Variants in PRDM13 observed in about 807,000 individuals in gnomAD.
The protein encoded by PRDM13 is PR/SET domain 13, also known as PR domain zinc finger protein 13.
In PRDM13, 15 loss-of-function variants were observed where a neutral mutation model predicts 36.4. The observed-to-expected ratio is 0.41, with a 90% confidence interval of 0.28 to 0.64. PRDM13 has a LOEUF of 0.64. Among genes scored for constraint, PRDM13 ranks in the 30% least tolerant of loss-of-function variants. The pLI, the probability that PRDM13 is intolerant of heterozygous loss-of-function variation, is 0.29. For synonymous variants in PRDM13, 531 were observed against 467.7 expected, an observed-to-expected ratio of 1.14 and a Z score of -1.75; for missense variants, 1,044 against 1,013.5, an observed-to-expected ratio of 1.03 and a Z score of -0.41.
At position 99,613,497 on chromosome 6, in the gene PRDM13, T is replaced by C; in HGVS notation, c.862T>C (p.Tyr288His). 1.3e-6 allele frequency: 2 copies of C among 1,522,378 alleles called. No individual in the cohort carries two copies. The highest frequency in any genetic ancestry group is 2.5e-5 in the East Asian group (1 of 39,928). 94.3% of individuals were successfully genotyped at this position (1,522,378 alleles called of 1,614,324 possible). A position where few individuals can be genotyped will look rare whatever the true frequency, so the allele number is the denominator to read the frequency against. Residue 288 changes from tyrosine to histidine, a missense_variant, in exon 4 of 4, where the codon TAC becomes CAC. By Grantham distance (83) the Tyr-to-His change is moderately conservative. Transcript: ENST00000369215. This position sits in a 1 kb window ranked among gnomAD's most constrained non-coding sequence, Gnocchi z 6.1. ...SSAGVGSLAF[Y>H]PGVRSAFKPA... ...GGCGGGGGTCGGCAGCCTGGCTTTC[T>C]ACCCCGGCGTGCGCTCAGCTTTCAA...
chr6:99,613,436 A>G lies in PRDM13; in HGVS notation c.801A>G (p.Gly267=). The G allele has an allele frequency of 6.5e-7, 1 of 1,548,688 alleles. No individual in the cohort carries two copies. Among genetic ancestry groups the G allele is most frequent in the Non-Finnish European group, 8.7e-7 (1 of 1,155,508 alleles). ...TGGACATGAGCGGAGCCGCCCGAGG[A>G]CAAGGGCACTTCCTCGGCATCGTGG... ...RALDMSGAAR[G]QGHFLGIVGG... is the part of the protein sequence containing the mutation. The change falls in exon 4 of 4, where the codon GGA becomes GGG. Residue 267 remains glycine, a synonymous_variant. Coordinates refer to ENST00000369215, the MANE Select transcript of PRDM13 (RefSeq NM_021620.4). This position sits in a 1 kb window ranked among gnomAD's most constrained non-coding sequence, Gnocchi z 6.1.
chr6:99,615,182 TTG>T lies in PRDM13; in HGVS notation c.*431_*432del. 5.0e-6 allele frequency: 1 copy of T among 199,488 alleles called. No homozygotes were observed. Among genetic ancestry groups the T allele is most frequent in the Non-Finnish European group, 1.0e-5 (1 of 98,302 alleles). The allele number at this position is 199,488 out of a possible 1,614,324, so 12.4% of individuals were successfully genotyped here. ...AAATTGTGCCTTTTGAAACGACGTTTTGTGTGTGTATTTCACGTTAGCATTTC... is the reference window on the plus strand; with the variant it reads ...AAATTGTGCCTTTTGAAACGACGTTTTGTGTGTATTTCACGTTAGCATTTC... On this transcript the variant is annotated 3_prime_UTR_variant, in exon 4 of 4. Transcript: ENST00000369215.
Position 99,613,452 on chromosome 6 carries a change from G to T in PRDM13, c.817G>T (p.Gly273Cys), listed in dbSNP as rs1770066875. ...GAARGQGHFL[G>C]IVGGSSAGVG... ...CGCCCGAGGACAAGGGCACTTCCTCGGCATCGTGGGCGGCTCCTCGGCGGG... is the reference window on the plus strand; with the variant it reads ...CGCCCGAGGACAAGGGCACTTCCTCTGCATCGTGGGCGGCTCCTCGGCGGG... The change falls in exon 4 of 4, where the codon GGC becomes TGC. Residue 273 changes from glycine (G) to cysteine (C), a missense_variant. Gly to Cys is a radical substitution (Grantham distance 159, BLOSUM62 -3). Coordinates refer to ENST00000369215, the MANE Select transcript of PRDM13 (RefSeq NM_021620.4). This position sits in a 1 kb window ranked among gnomAD's most constrained non-coding sequence, Gnocchi z 6.1. 2 of 1,538,412 alleles carry T rather than the reference G, an allele frequency of 1.3e-6. No individual in the cohort carries two copies. Among genetic ancestry groups the T allele is most frequent in the Non-Finnish European group, 1.7e-6 (2 of 1,151,114 alleles).
Position 99,613,268 on chromosome 6 carries a change from C to G in PRDM13, c.633C>G (p.His211Gln). ...CCCAGGCAGGAACTTTGCGACCCCA[C>G]CCCCTGGGCCCGCCACCAGTTCAGG... is the stretch of plus-strand genomic sequence containing the variant. ...APSQAGTLRP[H>Q]PLGPPPVQAC... The change falls in exon 4 of 4, where the codon CAC (histidine) becomes CAG (glutamine). Residue 211 changes from histidine to glutamine, a missense_variant. This residue lies in a region of PRDM13 where 921 missense variants were observed against 865.2 expected (regional missense o/e 1.06). Coordinates refer to ENST00000369215, the MANE Select transcript of PRDM13 (RefSeq NM_021620.4). This position sits in a 1 kb window ranked among gnomAD's most constrained non-coding sequence, Gnocchi z 6.1. 1 of 1,597,596 alleles carries G rather than the reference C, an allele frequency of 6.3e-7. No homozygotes were observed. Among genetic ancestry groups the G allele is most frequent in the Non-Finnish European group, 8.5e-7 (1 of 1,173,586 alleles).
At position 99,607,023 on chromosome 6, in the gene PRDM13, G is replaced by A. The variant is rs566290640; in HGVS notation, c.-12G>A. ...GGAGCACCCGAGCGCCTGCCTGGTG[G>A]CGGCGGCAACAATGCACGGAGCCGC... On this transcript the variant is annotated 5_prime_UTR_variant, in exon 1 of 4. An upstream open reading frame in the 5' UTR gains an earlier in-frame stop. Coordinates refer to ENST00000369215, the MANE Select transcript of PRDM13 (RefSeq NM_021620.4). The A allele has an allele frequency of 1.5e-5, 24 of 1,603,636 alleles. No homozygotes were observed. The highest frequency in any genetic ancestry group is 5.4e-5 in the African/African-American group (4 of 74,748).
Position 99,613,895 on chromosome 6 carries a change from T to C in PRDM13, c.1260T>C (p.Tyr420=), listed in dbSNP as rs924328379. Residue 420 remains tyrosine, a synonymous_variant, in exon 4 of 4, where the codon TAT becomes TAC. Coordinates refer to ENST00000369215, the MANE Select transcript of PRDM13 (RefSeq NM_021620.4). The surrounding 1 kb of genome is among the most constrained non-coding windows in gnomAD (Gnocchi z 6.1). ...CCGCCGCGCTGCCAGGAGCGCGTTA[T>C]GCGCAGCTGCCCCCTGCGCCGGGGT... ...PAAAALPGAR[Y]AQLPPAPGLP... is the part of the protein sequence containing the mutation. 6 of 1,567,180 alleles carry C rather than the reference T, an allele frequency of 3.8e-6. No individual in the cohort carries two copies. The highest frequency in any genetic ancestry group is 4.3e-6 in the Non-Finnish European group (5 of 1,164,016).
chr6:99,611,542 A>T (rs950533238), intron 3 of PRDM13, among the ~76,000 whole-genome samples: 6 of 151,782 alleles, frequency 4.0e-5, no homozygotes, highest in Admixed American at 2.0e-4. Context: ...ATAGGCAAAT[A>T]CTCTTCTCCC....
chr6:99,613,691 C>G lies in PRDM13; in HGVS notation c.1056C>G (p.His352Gln). 1 of 1,460,526 alleles carries G rather than the reference C, an allele frequency of 6.8e-7. No homozygotes were observed. Among genetic ancestry groups the G allele is most frequent in the Non-Finnish European group, 8.9e-7 (1 of 1,117,610 alleles). 90.5% of individuals were successfully genotyped at this position (1,460,526 alleles called of 1,614,324 possible). ...GENSAAGGAG[H>Q]HHHHHAHHHH... ...ACTCGGCGGCGGGCGGCGCGGGTCA[C>G]CACCATCACCACCACGCGCACCACC... is the stretch of plus-strand genomic sequence containing the variant. Residue 352 changes from histidine to glutamine, a missense_variant, in exon 4 of 4, where the codon CAC becomes CAG. Coordinates refer to ENST00000369215, the MANE Select transcript of PRDM13 (RefSeq NM_021620.4). The surrounding 1 kb of genome is among the most constrained non-coding windows in gnomAD (Gnocchi z 6.1).
intron 3 of PRDM13, among the ~76,000 whole-genome samples, chr6:99,611,230 A>G (rs772732827): frequency 7.2e-5 from 11 of 152,202 alleles, no homozygotes; most frequent in Non-Finnish European, 1.2e-4. Flanking sequence ...TTTCAATTTC[A>G]TAGTAAGATG....
chr6:99,613,544 G>A lies in PRDM13; in HGVS notation c.909G>A (p.Ala303=). 6.7e-7 allele frequency: 1 copy of A among 1,497,076 alleles called. No individual in the cohort carries two copies. Among genetic ancestry groups the A allele is most frequent in the Non-Finnish European group, 8.8e-7 (1 of 1,134,030 alleles). The allele number at this position is 1,497,076 out of a possible 1,614,324, so 92.7% of individuals were successfully genotyped here. A position where few individuals can be genotyped will look rare whatever the true frequency, so the allele number is the denominator to read the frequency against. ...TCAAGCCCGCCGGCCTAGCGAGGGCGGCGGCGGCCGCTCACGGCGACCCCT... is the reference window on the plus strand; with the variant it reads ...TCAAGCCCGCCGGCCTAGCGAGGGCAGCGGCGGCCGCTCACGGCGACCCCT... ...SAFKPAGLAR[A]AAAAHGDPYR... is the part of the protein sequence containing the mutation. Residue 303 remains alanine, a synonymous_variant, in exon 4 of 4, where the codon GCG becomes GCA. Transcript: ENST00000369215. The surrounding 1 kb of genome is among the most constrained non-coding windows in gnomAD (Gnocchi z 6.1).
At chr6:99,611,627 G>T (rs556683825) in intron 3 of PRDM13, among the ~76,000 whole-genome samples, 30 of 152,276 alleles carry the variant, frequency 2.0e-4, no homozygotes, top group Admixed American at 1.2e-3. Flanking sequence ...GTCTTATGGG[G>T]TAGGGGTGGG....
At chr6:99,612,581 C>T (rs1419661649) in intron 3 of PRDM13, among the ~76,000 whole-genome samples, 2 of 152,186 alleles carry the variant, frequency 1.3e-5, no homozygotes, top group Non-Finnish European at 2.9e-5. Context: ...ATGAGGCGCT[C>T]ACGACCATTA....
At chr6:99,609,331 G>A (rs1196472798) in intron 3 of PRDM13, 24 bp downstream of exon 3, 1 of 1,612,944 alleles carries the variant, frequency 6.2e-7, no homozygotes, top group Non-Finnish European at 8.5e-7. Context: ...AAGCGTGGAT[G>A]GGCAAAAGTC....
chr6:99,607,628 A>AT (rs1187835935), intron 1 of PRDM13, among the ~76,000 whole-genome samples: 65 of 151,450 alleles, frequency 4.3e-4, no homozygotes, highest in Non-Finnish European at 6.0e-4. Flanking sequence ...CCTTAAAGTA[A>AT]TTTTTTTTCC....
At position 99,613,786 on chromosome 6, in the gene PRDM13, G is replaced by C. The variant is rs1770078302; in HGVS notation, c.1151G>C (p.Gly384Ala). The stretch of plus-strand genomic sequence containing the variant: ...CCGCCGCCTGGCCTGCCCTGCTCTG[G>C]GGCCCTGCGCGGCTTCCCTCTGCTC... The part of the protein sequence containing the change: ...PPPPPGLPCS[G>A]ALRGFPLLSV... The change falls in exon 4 of 4, where the codon GGG (glycine) becomes GCG (alanine). Residue 384 changes from glycine (G) to alanine (A), a missense_variant. Around this residue, in one of 3 missense-constraint regions of PRDM13, gnomAD observed 921 missense variants for 865.2 expected, o/e 1.06. Transcript: ENST00000369215. The surrounding 1 kb of genome is among the most constrained non-coding windows in gnomAD (Gnocchi z 6.1). 3 of 1,507,066 alleles carry C rather than the reference G, an allele frequency of 2.0e-6. No individual in the cohort carries two copies. The highest frequency in any genetic ancestry group is 1.8e-6 in the Non-Finnish European group (2 of 1,135,230). The allele number at this position is 1,507,066 out of a possible 1,614,324, so 93.4% of individuals were successfully genotyped here. A position where few individuals can be genotyped will look rare whatever the true frequency, so the allele number is the denominator to read the frequency against.
intron 2 of PRDM13, 26 bp downstream of exon 2, chr6:99,608,898 C>G (rs1339329789): frequency 6.3e-7 from 1 of 1,596,766 alleles, no homozygotes; most frequent in South Asian, 1.1e-5. Flanking sequence ...CTCCACACCC[C>G]CCCACTCCCC....
intron 3 of PRDM13, among the ~76,000 whole-genome samples, chr6:99,611,747 C>T (rs1409791049): frequency 6.6e-6 from 1 of 152,138 alleles, no homozygotes; most frequent in East Asian, 1.9e-4. Context: ...TTGAGCTGCT[C>T]ATATATGCAG....
In PRDM13 at chr6:99,614,178, C is replaced by G. The variant is rs1169684700; in HGVS notation, c.1543C>G (p.Leu515Val). 1 of 1,602,792 alleles carries G rather than the reference C, an allele frequency of 6.2e-7. No individual in the cohort carries two copies. The highest frequency in any genetic ancestry group is 1.1e-5 in the South Asian group (1 of 90,718). ...AALSPAELGS[L>V]ASIDREIAMH... is the part of the protein sequence containing the mutation. Reference sequence around the variant, plus strand: ...CCTAAGCCCCGCCGAGCTGGGGTCGCTGGCCAGCATCGACCGAGAGATCGC... The same window carrying G: ...CCTAAGCCCCGCCGAGCTGGGGTCGGTGGCCAGCATCGACCGAGAGATCGC... Residue 515 changes from leucine to valine, a missense_variant, in exon 4 of 4, where the codon CTG (leucine) becomes GTG (valine). Physicochemically the swap from Leu to Val is conservative, Grantham distance 32. This residue lies in a region of PRDM13 where 921 missense variants were observed against 865.2 expected (regional missense o/e 1.06). Coordinates refer to ENST00000369215, the MANE Select transcript of PRDM13 (RefSeq NM_021620.4).
intron 3 of PRDM13, among the ~76,000 whole-genome samples, chr6:99,612,009 C>T (rs1272991530): frequency 6.6e-6 from 1 of 152,060 alleles, no homozygotes; most frequent in Admixed American, 6.5e-5. Flanking sequence ...TTCACAAACT[C>T]GGGCAAAATG....
Sources: gnomAD v4.1 joint callset for allele counts (sites outside exome capture counted in the v4.1 genomes callset) on GRCh38, gnomAD v4.1.1 for gene constraint, gnomAD v4.1.1 regional missense constraint, Gnocchi (gnomAD v3.1) non-coding constraint, MANE v1.5 for transcripts, NCBI Gene and HGNC (gene_info 2026-07-23, HGNC 2026-07-21) for gene names.